The following CENPK variants were observed in gnomAD, a reference collection of about 807,000 sequenced individuals.
CENPK encodes centromere protein K.
A neutral mutation model predicts 40.9 loss-of-function variants in CENPK; 46 were observed. The observed-to-expected ratio is 1.13, with a 90% confidence interval of 0.89 to 1.44. The LOEUF is 1.44. CENPK is among the 40% of genes most tolerant of loss of function. The pLI, the probability that CENPK is intolerant of heterozygous loss-of-function variation, is 0.00. For synonymous variants in CENPK, 107 were observed against 104.4 expected, an observed-to-expected ratio of 1.02 and a Z score of -0.15; for missense variants, 288 against 303.5, an observed-to-expected ratio of 0.95 and a Z score of 0.38.
downstream of CENPK, among the ~76,000 whole-genome samples, chr5:65,515,525 T>C (rs1197218245): frequency 6.6e-6 from 1 of 152,148 alleles, no homozygotes; most frequent in African/African-American, 2.4e-5. Flanking sequence ...TTTTGATAAC[T>C]TGTAGTTTCA....
At chr5:65,534,335 A>G (rs1746484298) in intron 6 of CENPK, among the ~76,000 whole-genome samples, 1 of 152,106 alleles carries the variant, frequency 6.6e-6, no homozygotes. Flanking sequence ...GGAAATTTCA[A>G]TCAAAGTTCC....
chr5:65,513,723 T>C (rs1004379528), downstream of CENPK, among the ~76,000 whole-genome samples: 1 of 152,214 alleles, frequency 6.6e-6, no homozygotes, highest in Non-Finnish European at 1.5e-5. Flanking sequence ...TTTTGTCTTA[T>C]TGCATTAGCA....
At chr5:65,502,664 C>T in the CENPK span, among the ~76,000 whole-genome samples, 1 of 151,830 alleles carries the variant, frequency 6.6e-6, no homozygotes, top group Non-Finnish European at 1.5e-5. Context: ...AGGCTAGAGG[C>T]TAGAGTGCAG....
chr5:65,508,919 C>T, the CENPK span, among the ~76,000 whole-genome samples: 2 of 151,852 alleles, frequency 1.3e-5, no homozygotes, highest in Non-Finnish European at 2.9e-5. Flanking sequence ...AAATACAATG[C>T]CATTAAAATT....
chr5:65,552,619 T>C lies in CENPK; in HGVS notation c.112-70A>G, dbSNP rs1025451553. Reference sequence around the variant, plus strand: ...ACAGAAAATTCCCTTCCCCTCTCCTTTTCTACCAGGCCAATATAACACTCT... The same window carrying C: ...ACAGAAAATTCCCTTCCCCTCTCCTCTTCTACCAGGCCAATATAACACTCT... On this transcript the variant is annotated intron_variant, in intron 3 of 10. Coordinates refer to ENST00000396679, the MANE Select transcript of CENPK (RefSeq NM_022145.5). The C allele has an allele frequency of 2.1e-4, 178 of 840,028 alleles. 1 individual carries two copies. The East Asian group carries it at 4.8e-3, about 22-fold the overall frequency. 52.0% of individuals were successfully genotyped at this position (840,028 alleles called of 1,614,324 possible).
chr5:65,551,521 T>C (rs928252585), intron 5 of CENPK, 43 bp downstream of exon 5: 10 of 1,070,352 alleles, frequency 9.3e-6, no homozygotes, highest in Non-Finnish European at 1.1e-5. Context: ...AATTTGCTAT[T>C]AATAGGTTTA....
At chr5:65,546,142 C>A (rs910881398) in intron 5 of CENPK, among the ~76,000 whole-genome samples, 3 of 152,142 alleles carry the variant, frequency 2.0e-5, no homozygotes, top group Non-Finnish European at 4.4e-5. Context: ...GTGATGAAAA[C>A]CCGAAGTAAA....
At chr5:65,503,132 AC>A in the CENPK span, among the ~76,000 whole-genome samples, 50 of 127,208 alleles carry the variant, frequency 3.9e-4, 2 homozygotes, top group South Asian at 2.4e-4. Context: ...TTTTTTTGAG[AC>A]AGAGTCTCAC....
chr5:65,556,272 A>G (rs1750960823), intron 2 of CENPK, among the ~76,000 whole-genome samples: 1 of 152,222 alleles, frequency 6.6e-6, no homozygotes, highest in South Asian at 2.1e-4. Flanking sequence ...CAGGAGTTCC[A>G]GAACAGCCTG....
chr5:65,551,348 T>C lies in CENPK; in HGVS notation c.241+216A>G, dbSNP rs914371402. 1.2e-5 allele frequency: 5 copies of C among 404,994 alleles called. No homozygotes were observed. In the Admixed American group the frequency reaches 1.8e-4, roughly 14 times the overall value. The allele number at this position is 404,994 out of a possible 1,614,324, so 25.1% of individuals were successfully genotyped here. ...CATAATAGCTATAATAACGTCTCCA[T>C]AATCAAGCTTATTATAATCTAATGT... On this transcript the variant is annotated intron_variant, in intron 5 of 10. Coordinates refer to ENST00000396679, the MANE Select transcript of CENPK (RefSeq NM_022145.5).
At chr5:65,549,179 T>A (rs1282326993) in intron 5 of CENPK, among the ~76,000 whole-genome samples, 1 of 152,092 alleles carries the variant, frequency 6.6e-6, no homozygotes, top group Admixed American at 6.5e-5. Context: ...AGTGAAGAGA[T>A]GGGGAGCAGT....
chr5:65,528,971 T>G lies in CENPK; in HGVS notation c.418A>C (p.Asn140His). 6.2e-7 allele frequency: 1 copy of G among 1,610,694 alleles called. No homozygotes were observed. Among genetic ancestry groups the G allele is most frequent in the African/African-American group, 1.3e-5 (1 of 74,964 alleles). Reference sequence around the variant, plus strand: ...TTTTTCAATTCACTGTGTAGTACATTAAGAGATTCCATTATCTGTTGCTGT... The same window carrying G: ...TTTTTCAATTCACTGTGTAGTACATGAAGAGATTCCATTATCTGTTGCTGT... ...DEQQQIMESL[N>H]VLHSELKNKV... The change falls in exon 8 of 11, where the codon AAT becomes CAT. Residue 140 changes from asparagine to histidine, a missense_variant. Physicochemically the swap from Asn to His is moderately conservative, Grantham distance 68. Transcript: ENST00000396679.
chr5:65,513,254 T>C (rs1742642247), downstream of CENPK, among the ~76,000 whole-genome samples: 1 of 152,220 alleles, frequency 6.6e-6, no homozygotes, highest in African/African-American at 2.4e-5. Flanking sequence ...GTGTCAGTCC[T>C]CTAACTTTGT....
downstream of CENPK, among the ~76,000 whole-genome samples, chr5:65,515,042 T>C (rs1438851324): frequency 6.6e-6 from 1 of 151,852 alleles, no homozygotes; most frequent in Non-Finnish European, 1.5e-5. Context: ...TTCAATTTTA[T>C]TGATTTCTAC....
At chr5:65,520,564 T>C (rs767506773) in intron 10 of CENPK, among the ~76,000 whole-genome samples, 14 of 152,196 alleles carry the variant, frequency 9.2e-5, no homozygotes, top group Non-Finnish European at 1.6e-4. Flanking sequence ...AGTTTCAGCA[T>C]AAACTAGAGT....
the CENPK span, among the ~76,000 whole-genome samples, chr5:65,512,681 T>C: frequency 1.3e-5 from 2 of 152,232 alleles, no homozygotes; most frequent in Admixed American, 1.3e-4. Flanking sequence ...AATCAAACAA[T>C]TTGTGTGACT....
At chr5:65,546,873 T>G (rs75510547) in intron 5 of CENPK, among the ~76,000 whole-genome samples, 2,215 of 152,340 alleles carry the variant, frequency 0.015, 137 homozygotes, top group Admixed American at 0.1. Context: ...TTAAGCCACC[T>G]AGTCCATAGT....
Position 65,561,536 on chromosome 5 carries a change from C to T in CENPK, c.-113G>A. The T allele has an allele frequency of 4.4e-6, 2 of 455,792 alleles. No individual in the cohort carries two copies. The highest frequency in any genetic ancestry group is 8.8e-6 in the Non-Finnish European group (2 of 226,718). 28.2% of individuals were successfully genotyped at this position (455,792 alleles called of 1,614,324 possible). On this transcript the variant is annotated 5_prime_UTR_variant, in exon 2 of 11. It adds an upstream start codon to the 5' untranslated region. Coordinates refer to ENST00000396679, the MANE Select transcript of CENPK (RefSeq NM_022145.5). The stretch of plus-strand genomic sequence containing the variant: ...TCAACAGAACCAGAAAATGATGGCA[C>T]CCAGATCTTGAATCTCCAGCCTCTA...
At chr5:65,549,960 A>G (rs1749678684) in intron 5 of CENPK, among the ~76,000 whole-genome samples, 2 of 152,166 alleles carry the variant, frequency 1.3e-5, no homozygotes, top group South Asian at 4.1e-4. Context: ...CGAGGTTAGG[A>G]GATCAAGACC....
Sources: gnomAD v4.1 joint callset for allele counts (sites outside exome capture counted in the v4.1 genomes callset) on GRCh38, gnomAD v4.1.1 for gene constraint, MANE v1.5 for transcripts, NCBI Gene and HGNC (gene_info 2026-07-23, HGNC 2026-07-21) for gene names.